The following PIK3C2G variants were observed in gnomAD, a reference collection of about 807,000 sequenced individuals.
PIK3C2G encodes phosphatidylinositol-4-phosphate 3-kinase catalytic subunit type 2 gamma, also known as phosphatidylinositol 3-kinase C2 domain-containing subunit gamma.
A neutral mutation model predicts 181.1 loss-of-function variants in PIK3C2G; 168 were observed. That is an observed-to-expected ratio of 0.93 (90% confidence interval 0.82 to 1.05). PIK3C2G has a LOEUF of 1.05. Among genes scored for constraint, PIK3C2G ranks in the 50% least tolerant of loss-of-function variants. PIK3C2G has a pLI of 0.00. For synonymous variants in PIK3C2G, 573 were observed against 592.2 expected (o/e 0.97, Z 0.47); for missense variants, 1,869 against 1,732.8 (o/e 1.08, Z -1.40).
chr12:18,630,020 T>C (rs1949280601), intron 31 of PIK3C2G, among the ~76,000 whole-genome samples: 1 of 152,132 alleles, frequency 6.6e-6, no homozygotes, highest in South Asian at 2.1e-4. Flanking sequence ...TAATAACTAT[T>C]TAGTATCCAC....
chr12:18,432,200 T>C (rs1946198690), intron 18 of PIK3C2G, among the ~76,000 whole-genome samples: 1 of 152,192 alleles, frequency 6.6e-6, no homozygotes, highest in African/African-American at 2.4e-5. Flanking sequence ...TAGAATCTTA[T>C]ACAAACTTCT....
At chr12:18,321,055 C>A in intron 7 of PIK3C2G, 23 bp downstream of exon 7, 1 of 1,214,896 alleles carries the variant, frequency 8.2e-7, no homozygotes, top group Non-Finnish European at 1.2e-6. Flanking sequence ...ATATTTGTTC[C>A]AAGACTACTT....
At chr12:18,443,576 C>A (rs7974317) in intron 18 of PIK3C2G, among the ~76,000 whole-genome samples, 42,017 of 151,702 alleles carry the variant, frequency 0.28, 6,601 homozygotes, top group African/African-American at 0.41. Context: ...CACCGAAAAA[C>A]TCCTTCTATA....
At chr12:18,577,033 T>G (rs1946263751) in intron 29 of PIK3C2G, among the ~76,000 whole-genome samples, 1 of 152,160 alleles carries the variant, frequency 6.6e-6, no homozygotes, top group African/African-American at 2.4e-5. Context: ...CTGAGGCCAA[T>G]AAGTGCAAAG....
chr12:18,332,769 GCTTAGAGTTTTGCTT>G (rs1427449095), intron 8 of PIK3C2G, among the ~76,000 whole-genome samples: 1 of 152,126 alleles, frequency 6.6e-6, no homozygotes, highest in African/African-American at 2.4e-5. Flanking sequence ...TCCTCGTGCA[GCTTAGAGTTTTGCTT>G]CTTATGCAAA....
intron 31 of PIK3C2G, among the ~76,000 whole-genome samples, chr12:18,620,284 T>G (rs2136660383): frequency 6.6e-6 from 1 of 152,274 alleles, no homozygotes; most frequent in African/African-American, 2.4e-5. Context: ...GCATACAAAT[T>G]TAAGATTGTG....
rs747936895 is a variant in PIK3C2G, at chr12:18,566,936, T to TC, written c.3903-12dup. 3.5e-6 allele frequency: 5 copies of TC among 1,414,316 alleles called. No individual in the cohort carries two copies. The highest frequency in any genetic ancestry group is 2.4e-5 in the South Asian group (2 of 84,550). 87.6% of individuals were successfully genotyped at this position (1,414,316 alleles called of 1,614,324 possible). On this transcript the variant is annotated splice_polypyrimidine_tract_variant and intron_variant, in intron 28 of 32. Coordinates refer to ENST00000538779, the MANE Select transcript of PIK3C2G (RefSeq NM_001288772.2). ...CAAACTAATGAAGATAACTTTTTTT[T>TC]CTCTTAAAACAGGTTTCCTCATTGG...
chr12:18,574,341 AG>A (rs1180163520), intron 29 of PIK3C2G, among the ~76,000 whole-genome samples: 1 of 152,230 alleles, frequency 6.6e-6, no homozygotes, highest in Non-Finnish European at 1.5e-5. Context: ...GTCACCCATG[AG>A]AACCCATTTC....
chr12:18,604,384 A>G (rs537163036), intron 30 of PIK3C2G, among the ~76,000 whole-genome samples: 56 of 152,336 alleles, frequency 3.7e-4, no homozygotes, highest in African/African-American at 1.2e-3. Flanking sequence ...TGGGGCTCCC[A>G]AAGTTATAAA....
chr12:18,266,193 T>C (rs1948491766), intron 1 of PIK3C2G, among the ~76,000 whole-genome samples: 1 of 152,150 alleles, frequency 6.6e-6, no homozygotes, highest in Non-Finnish European at 1.5e-5. Flanking sequence ...CTGCTGAATA[T>C]AATGTAAATG....
At chr12:18,623,753 T>C (rs1458629372) in intron 31 of PIK3C2G, among the ~76,000 whole-genome samples, 1 of 151,726 alleles carries the variant, frequency 6.6e-6, no homozygotes, top group African/African-American at 2.4e-5. Context: ...ACAGGTCTTT[T>C]GCCTCCTTTG....
At position 18,381,761 on chromosome 12, in the gene PIK3C2G, T is replaced by C. The variant is rs771133521; in HGVS notation, c.1881-5T>C. Reference sequence around the variant, plus strand: ...GTCTGTGTGTGTGTGTGTTGTCTTTTGCAGAAAATCCATTCTCGGGTCTAT... The same window carrying C: ...GTCTGTGTGTGTGTGTGTTGTCTTTCGCAGAAAATCCATTCTCGGGTCTAT... On this transcript the variant is annotated splice_polypyrimidine_tract_variant and splice_region_variant and intron_variant, in intron 13 of 32. Transcript: ENST00000538779. The C allele has an allele frequency of 6.4e-7, 1 of 1,561,510 alleles. No homozygotes were observed. Among genetic ancestry groups the C allele is most frequent in the Non-Finnish European group, 8.8e-7 (1 of 1,132,254 alleles).
chr12:18,576,958 T>G (rs1946260840), intron 29 of PIK3C2G, among the ~76,000 whole-genome samples: 1 of 152,184 alleles, frequency 6.6e-6, no homozygotes, highest in African/African-American at 2.4e-5. Flanking sequence ...CTGATTATAA[T>G]AAAGCAGTTT....
chr12:18,448,519 T>C (rs1032682080), intron 18 of PIK3C2G, among the ~76,000 whole-genome samples: 3 of 152,140 alleles, frequency 2.0e-5, no homozygotes, highest in Non-Finnish European at 4.4e-5. Context: ...TACAACTGCA[T>C]CTCTGTTCCC....
At chr12:18,678,354 T>C in the PIK3C2G span, among the ~76,000 whole-genome samples, 13 of 152,074 alleles carry the variant, frequency 8.5e-5, no homozygotes, top group African/African-American at 3.1e-4. Flanking sequence ...TTCAACTTTT[T>C]TGAGATATAG....
At chr12:18,683,024 A>G in the PIK3C2G span, 3 of 543,774 alleles carry the variant, frequency 5.5e-6, no homozygotes, top group East Asian at 9.4e-5. Context: ...GAAATCAGCA[A>G]ACAAGAACGC....
At chr12:18,475,067 G>T (rs1358661870) in intron 18 of PIK3C2G, among the ~76,000 whole-genome samples, 2 of 151,972 alleles carry the variant, frequency 1.3e-5, no homozygotes, top group African/African-American at 2.4e-5. Flanking sequence ...GAACCGAATG[G>T]TCCGGTGTGA....
intron 11 of PIK3C2G, among the ~76,000 whole-genome samples, chr12:18,355,682 C>G (rs575413226): frequency 5.9e-5 from 9 of 152,294 alleles, no homozygotes; most frequent in African/African-American, 1.9e-4. Context: ...TGCCCAGGCA[C>G]CCAAGCCTGG....
At chr12:18,354,409 G>A (rs1940515357) in intron 11 of PIK3C2G, among the ~76,000 whole-genome samples, 1 of 152,210 alleles carries the variant, frequency 6.6e-6, no homozygotes, top group Non-Finnish European at 1.5e-5. Flanking sequence ...TCCCCTGTGG[G>A]AGGTGTCTCT....
Sources: gnomAD v4.1 joint callset for allele counts (sites outside exome capture counted in the v4.1 genomes callset) on GRCh38, gnomAD v4.1.1 for gene constraint, MANE v1.5 for transcripts, NCBI Gene and HGNC (gene_info 2026-07-23, HGNC 2026-07-21) for gene names.